Variants in PTPRD observed in about 807,000 individuals in gnomAD.
PTPRD encodes the protein protein tyrosine phosphatase receptor type D, also known as receptor-type tyrosine-protein phosphatase delta.
PTPRD carries 34 observed loss-of-function variants against 214.5 expected under a neutral mutation model. That is an observed-to-expected ratio of 0.16 (90% CI 0.12 to 0.21). The LOEUF (loss-of-function observed/expected upper bound fraction) is 0.21, where lower values mean the gene tolerates loss of function less well. Ranked by LOEUF, PTPRD falls within the 10% of genes least tolerant of loss-of-function variation. The probability of loss-of-function intolerance (pLI) is 1.00; values close to 1 mark genes in which losing one functional copy is unlikely to be tolerated. For missense variants in PTPRD, 2,545 were observed against 2,398.7 expected (o/e 1.06, Z -1.27); for synonymous variants, 1,128 against 845.7 (o/e 1.33, Z -5.79).
At chr9:9,851,706 G>T (rs1308327327) in intron 5 of PTPRD, among the ~76,000 whole-genome samples, 1 of 152,170 alleles carries the variant, frequency 6.6e-6, no homozygotes, top group Non-Finnish European at 1.5e-5. Context: ...CTTGAACGCA[G>T]GAGGTAAAGG....
chr9:9,535,610 TC>T (rs2076353205), intron 8 of PTPRD, among the ~76,000 whole-genome samples: 2 of 152,134 alleles, frequency 1.3e-5, no homozygotes, highest in South Asian at 4.1e-4. Flanking sequence ...ATATTTTTTT[TC>T]TTTCACAATG....
intron 7 of PTPRD, among the ~76,000 whole-genome samples, chr9:9,654,515 G>C (rs989133235): frequency 6.6e-5 from 10 of 152,002 alleles, no homozygotes; most frequent in South Asian, 2.1e-4. Context: ...CAATCACTTA[G>C]GTGTTATAAA....
At chr9:8,500,648 G>A in intron 24 of PTPRD, 106 bp downstream of exon 24, 1 of 1,085,220 alleles carries the variant, frequency 9.2e-7, no homozygotes, top group Non-Finnish European at 1.3e-6. Flanking sequence ...CAGCAATGCT[G>A]GGTAAAAAGA....
At chr9:9,649,690 T>C (rs535487963) in intron 7 of PTPRD, among the ~76,000 whole-genome samples, 2 of 152,224 alleles carry the variant, frequency 1.3e-5, no homozygotes, top group Non-Finnish European at 1.5e-5. Flanking sequence ...ATTAATGTGG[T>C]TCCACCTTGG....
chr9:8,637,375 G>A (rs1383084624), intron 12 of PTPRD, among the ~76,000 whole-genome samples: 1 of 152,206 alleles, frequency 6.6e-6, no homozygotes, highest in Non-Finnish European at 1.5e-5. Context: ...GGGGAAAATG[G>A]TAAAGTGACT....
chr9:10,506,134 G>C (rs1309726343), intron 2 of PTPRD, among the ~76,000 whole-genome samples: 3 of 152,114 alleles, frequency 2.0e-5, no homozygotes, highest in Non-Finnish European at 2.9e-5. Flanking sequence ...AGAATGTAAA[G>C]ATTCTCTATG....
intron 8 of PTPRD, among the ~76,000 whole-genome samples, chr9:9,501,278 AAC>A: frequency 6.6e-6 from 1 of 152,134 alleles, no homozygotes; most frequent in African/African-American, 2.4e-5. Context: ...TAAATTTTAA[AAC>A]ACAGATTGGA....
intron 5 of PTPRD, among the ~76,000 whole-genome samples, chr9:9,856,035 G>T (rs916155832): frequency 9.8e-5 from 15 of 152,312 alleles, no homozygotes; most frequent in African/African-American, 3.4e-4. Flanking sequence ...AATGGTAAAT[G>T]CAGGGGATTT....
At chr9:8,331,877 C>CTTAG in intron 43 of PTPRD, 141 bp from the exon 44 acceptor site, 1 of 980,836 alleles carries the variant, frequency 1.0e-6, no homozygotes, top group East Asian at 2.8e-5. Context: ...TAAATAGAAA[C>CTTAG]TTAGTTATGG....
intron 11 of PTPRD, among the ~76,000 whole-genome samples, chr9:8,849,008 A>C (rs2097761480): frequency 6.6e-6 from 1 of 152,058 alleles, no homozygotes; most frequent in African/African-American, 2.4e-5. Flanking sequence ...TTACATATCA[A>C]CCACTATGCT....
intron 11 of PTPRD, among the ~76,000 whole-genome samples, chr9:8,744,674 A>G (rs2092581113): frequency 6.6e-6 from 1 of 152,194 alleles, no homozygotes; most frequent in African/African-American, 2.4e-5. Context: ...GTGAGGGATA[A>G]AAGATTACAC....
chr9:10,513,593 G>A (rs2049011113), intron 2 of PTPRD, among the ~76,000 whole-genome samples: 1 of 152,150 alleles, frequency 6.6e-6, no homozygotes, highest in Non-Finnish European at 1.5e-5. Flanking sequence ...TGGTAAGATT[G>A]TAATTTTCAT....
At chr9:10,227,075 C>G (rs2154353227) in intron 3 of PTPRD, among the ~76,000 whole-genome samples, 1 of 151,998 alleles carries the variant, frequency 6.6e-6, no homozygotes, top group African/African-American at 2.4e-5. Flanking sequence ...TGTTCTCAAC[C>G]TCAATATTGA....
At chr9:9,029,927 C>T (rs1327092623) in intron 10 of PTPRD, among the ~76,000 whole-genome samples, 1 of 151,846 alleles carries the variant, frequency 6.6e-6, no homozygotes, top group Admixed American at 6.6e-5. Flanking sequence ...AGGGTGACAG[C>T]ACGATTTCAG....
At chr9:10,255,351 T>C (rs1243485369) in intron 3 of PTPRD, among the ~76,000 whole-genome samples, 1 of 152,306 alleles carries the variant, frequency 6.6e-6, no homozygotes, top group East Asian at 1.9e-4. Context: ...CAAACCTGTA[T>C]AGCATGTTAA....
chr9:10,000,494 G>T (rs535258063), intron 4 of PTPRD, among the ~76,000 whole-genome samples: 15 of 152,152 alleles, frequency 9.9e-5, no homozygotes, highest in Non-Finnish European at 1.6e-4. Context: ...CCGACATGAC[G>T]CCCCTTTTCA....
chr9:10,315,813 A>G (rs562097916), intron 3 of PTPRD, among the ~76,000 whole-genome samples: 120 of 152,012 alleles, frequency 7.9e-4, no homozygotes, highest in African/African-American at 2.7e-3. Flanking sequence ...AAGCTGGTTG[A>G]TCCCCAGAGA....
intron 11 of PTPRD, among the ~76,000 whole-genome samples, chr9:8,885,342 T>G (rs908408545): frequency 1.3e-5 from 2 of 152,056 alleles, no homozygotes; most frequent in African/African-American, 4.8e-5. Context: ...GGGATAAAAC[T>G]GGGAGAGTCC....
At chr9:10,523,601 G>GTGTATATATATATATATATATATATA (rs1459526758) in intron 2 of PTPRD, among the ~76,000 whole-genome samples, 3 of 64,336 alleles carry the variant, frequency 4.7e-5, no homozygotes, top group African/African-American at 1.0e-4. Context: ...ATATTTATCT[G>GTGTATATATATATATATATATATATA]TATATATATA....
Sources: allele counts gnomAD v4.1 joint callset (sites outside exome capture counted in the v4.1 genomes callset), GRCh38; gene constraint gnomAD v4.1.1; transcripts MANE v1.5; gene names NCBI Gene and HGNC (gene_info 2026-07-23, HGNC 2026-07-21).